The following TAFA2 variants were observed in gnomAD, a reference collection of about 807,000 sequenced individuals.
TAFA2 encodes the protein TAFA chemokine like family member 2.
Under a neutral mutation model 18.8 loss-of-function variants are expected in TAFA2, and 7 were observed. The observed-to-expected ratio is 0.37, with a 90% CI of 0.21 to 0.70. TAFA2 has a LOEUF of 0.70. TAFA2 is among the 30% of genes least tolerant of loss of function. TAFA2 has a pLI of 0.53. For missense variants in TAFA2, 122 were observed against 158.1 expected (o/e 0.77, Z 1.23); for synonymous variants, 60 against 54.2 (o/e 1.11, Z -0.47).
chr12:62,065,028 A>G (rs917432745), intron 1 of TAFA2, among the ~76,000 whole-genome samples: 3 of 152,046 alleles, frequency 2.0e-5, no homozygotes, highest in Non-Finnish European at 4.4e-5. Flanking sequence ...TGAATGCTAC[A>G]TATAATATTA....
chr12:62,059,304 G>T (rs1163644784), intron 1 of TAFA2, among the ~76,000 whole-genome samples: 1 of 151,700 alleles, frequency 6.6e-6, no homozygotes, highest in Non-Finnish European at 1.5e-5. Context: ...GCGACAGAAG[G>T]ATACCCAGTC....
intron 1 of TAFA2, among the ~76,000 whole-genome samples, chr12:62,085,440 G>T (rs982885044): frequency 6.6e-6 from 1 of 152,108 alleles, no homozygotes; most frequent in African/African-American, 2.4e-5. Flanking sequence ...GAAGAAAATT[G>T]TCCTGGAGGT....
chr12:62,050,810 G>GA (rs1305576732), intron 1 of TAFA2, among the ~76,000 whole-genome samples: 1 of 152,166 alleles, frequency 6.6e-6, no homozygotes, highest in African/African-American at 2.4e-5. Flanking sequence ...TCAGTAGCTT[G>GA]AATCAGCCAT....
At chr12:61,988,539 C>T (rs569794505) in intron 1 of TAFA2, among the ~76,000 whole-genome samples, 55 of 152,256 alleles carry the variant, frequency 3.6e-4, no homozygotes, top group African/African-American at 1.3e-3. Context: ...CACATAATGT[C>T]TTCAATCACT....
intron 1 of TAFA2, among the ~76,000 whole-genome samples, chr12:62,102,204 G>T (rs1869239010): frequency 6.6e-6 from 1 of 152,150 alleles, no homozygotes; most frequent in African/African-American, 2.4e-5. Flanking sequence ...TAAGCAATCA[G>T]GGGAGATTCA....
intron 1 of TAFA2, among the ~76,000 whole-genome samples, chr12:62,249,225 T>A (rs1490924389): frequency 1.3e-5 from 2 of 150,892 alleles, no homozygotes; most frequent in Non-Finnish European, 2.9e-5. Context: ...TGTTATTTTT[T>A]AAATTCTTGG....
In TAFA2 at chr12:61,803,723, T is replaced by A. The variant is rs368027358; in HGVS notation, c.107-48699A>T. Among the ~76,000 whole-genome samples the A allele has an allele frequency of 3.3e-5, 5 of 151,958 alleles. No homozygotes were observed. In the East Asian group the frequency reaches 9.6e-4, roughly 29 times the overall value. ...TTATTATTTTCTAAAGTCAGAAGCA[T>A]AATAACTTCTTCTATGGCTAGTTAA... On this transcript the variant is annotated intron_variant, in intron 2 of 4. Transcript: ENST00000416284.
chr12:61,812,534 C>A (rs1378054649), intron 2 of TAFA2, among the ~76,000 whole-genome samples: 1 of 151,208 alleles, frequency 6.6e-6, no homozygotes, highest in Non-Finnish European at 1.5e-5. Flanking sequence ...CATGACATCC[C>A]CCGAACATGA....
intron 2 of TAFA2, among the ~76,000 whole-genome samples, chr12:61,787,955 G>T (rs1378622632): frequency 6.6e-6 from 1 of 151,602 alleles, no homozygotes; most frequent in African/African-American, 2.4e-5. Flanking sequence ...GCTTATAAAA[G>T]ACTCACTTCA....
chr12:62,081,092 G>A (rs1426382164), intron 1 of TAFA2, among the ~76,000 whole-genome samples: 1 of 151,090 alleles, frequency 6.6e-6, no homozygotes, highest in East Asian at 2.0e-4. Flanking sequence ...CTACTCGGGA[G>A]GCTGAGGCAG....
rs201776915 is a variant in TAFA2 at position 62,033,170 on chromosome 12, TG to T, written c.-2+158088del. 9.8e-5 allele frequency among the ~76,000 whole-genome samples: 15 copies of T among 152,294 alleles called. No individual in the cohort carries two copies. The East Asian group carries it at 2.5e-3, about 25-fold the overall frequency. On this transcript the variant is annotated intron_variant, in intron 1 of 4. Coordinates refer to ENST00000416284, the MANE Select transcript of TAFA2 (RefSeq NM_178539.5). Reference sequence around the variant, plus strand: ...TGCTTTTCAAAGGCTGGAATTATTGTGGGTTACATCACCCTTTAGCAGAAAT... The same window carrying T: ...TGCTTTTCAAAGGCTGGAATTATTGTGGTTACATCACCCTTTAGCAGAAAT...
rs563372547 is a variant in TAFA2, at chr12:61,789,580, T to A, written c.107-34556A>T. Among the ~76,000 whole-genome samples the A allele has an allele frequency of 3.4e-3, 517 of 151,836 alleles. 3 individuals are homozygous for A. Among genetic ancestry groups the A allele is most frequent in the Non-Finnish European group, 5.2e-3 (352 of 67,832 alleles). ...AAGAGAGGGATAGCATTAGGAGAAA[T>A]ACCTAATGTAGATAATGGGTTGATG... On this transcript the variant is annotated intron_variant, in intron 2 of 4. Coordinates refer to ENST00000416284, the MANE Select transcript of TAFA2 (RefSeq NM_178539.5).
intron 1 of TAFA2, among the ~76,000 whole-genome samples, chr12:61,883,638 T>A (rs2121278420): frequency 6.6e-6 from 1 of 152,210 alleles, no homozygotes; most frequent in Non-Finnish European, 1.5e-5. Flanking sequence ...TTATAGTGGC[T>A]TAGAAAGAGA....
chr12:61,828,879 A>G (rs1025293187), intron 2 of TAFA2, among the ~76,000 whole-genome samples: 3 of 151,910 alleles, frequency 2.0e-5, no homozygotes, highest in African/African-American at 7.2e-5. Context: ...TTTCAGCATT[A>G]AATTTTAAAA....
chr12:62,031,798 G>A lies in TAFA2; in HGVS notation c.-2+159461C>T, dbSNP rs565218020. On this transcript the variant is annotated intron_variant, in intron 1 of 4. Transcript: ENST00000416284. The stretch of plus-strand genomic sequence containing the variant: ...TGCCACCTCTGTTGATATATATGTT[G>A]TAACATCTGAAGCATAATTTGAATA... Among the ~76,000 whole-genome samples, 155 of 152,170 alleles carry A rather than the reference G, an allele frequency of 1.0e-3. 1 individual carries two copies. The highest frequency in any genetic ancestry group is 3.5e-3 in the African/African-American group (147 of 41,520).
chr12:61,823,554 A>G (rs2121059383), intron 2 of TAFA2, among the ~76,000 whole-genome samples: 1 of 152,276 alleles, frequency 6.6e-6, no homozygotes, highest in East Asian at 1.9e-4. Flanking sequence ...TTTGCAAATC[A>G]GTAAAATAAG....
chr12:61,987,301 C>G (rs567280934), intron 1 of TAFA2, among the ~76,000 whole-genome samples: 2 of 152,194 alleles, frequency 1.3e-5, no homozygotes, highest in African/African-American at 4.8e-5. Flanking sequence ...AAAAGTATCT[C>G]TGGTTTCTGT....
chr12:62,114,350 G>C (rs1384666078), intron 1 of TAFA2, among the ~76,000 whole-genome samples: 3 of 152,090 alleles, frequency 2.0e-5, no homozygotes, highest in African/African-American at 7.2e-5. Context: ...AATGAGATGA[G>C]CTGGGTACCT....
At chr12:62,211,767 A>C (rs555749119) in intron 1 of TAFA2, among the ~76,000 whole-genome samples, 8 of 152,260 alleles carry the variant, frequency 5.3e-5, no homozygotes, top group Non-Finnish European at 8.8e-5. Flanking sequence ...AATGTATAAG[A>C]CTATAGATAT....
Sources: allele counts gnomAD v4.1 joint callset (sites outside exome capture counted in the v4.1 genomes callset), GRCh38; gene constraint gnomAD v4.1.1; transcripts MANE v1.5; gene names NCBI Gene and HGNC (gene_info 2026-07-23, HGNC 2026-07-21).